The following ZDHHC14 variants were observed in gnomAD, a reference collection of about 807,000 sequenced individuals.
The protein encoded by ZDHHC14 is zDHHC palmitoyltransferase 14.
A neutral mutation model predicts 47.7 loss-of-function variants in ZDHHC14; 16 were observed. The observed-to-expected ratio is 0.34, with a 90% CI of 0.23 to 0.51. The LOEUF (loss-of-function observed/expected upper bound fraction) is 0.51. Ranked by LOEUF, ZDHHC14 falls within the 20% of genes least tolerant of loss-of-function variation. ZDHHC14 has a pLI of 0.97. For missense variants in ZDHHC14, 515 were observed against 662.5 expected (o/e 0.78, Z 2.44); for synonymous variants, 293 against 278.9 (o/e 1.05, Z -0.50).
intron 1 of ZDHHC14, among the ~76,000 whole-genome samples, chr6:157,450,161 A>G (rs1778770323): frequency 6.6e-6 from 1 of 151,940 alleles, no homozygotes; most frequent in African/African-American, 2.4e-5. Context: ...GTTGAAGGAA[A>G]GGGGCACATT....
intron 2 of ZDHHC14, among the ~76,000 whole-genome samples, chr6:157,548,590 G>T (rs1030113882): frequency 1.3e-5 from 2 of 152,216 alleles, no homozygotes; most frequent in African/African-American, 2.4e-5. Flanking sequence ...GGGATTACAG[G>T]CATGCGCCAC....
intron 8 of ZDHHC14, among the ~76,000 whole-genome samples, chr6:157,662,817 A>G (rs1333398200): frequency 6.6e-6 from 1 of 152,270 alleles, no homozygotes; most frequent in Non-Finnish European, 1.5e-5. Context: ...TCCAGGAACT[A>G]TAAAAAATTT....
At chr6:157,447,198 G>A (rs954985715) in intron 1 of ZDHHC14, among the ~76,000 whole-genome samples, 6 of 152,248 alleles carry the variant, frequency 3.9e-5, no homozygotes, top group Non-Finnish European at 7.3e-5. Flanking sequence ...TTTATCTGCC[G>A]AAGGTTTTAT....
In ZDHHC14 at chr6:157,653,588, C is replaced by G. The variant is rs543925961; in HGVS notation, c.1029C>G (p.Gly343=). 1.9e-6 allele frequency: 3 copies of G among 1,613,988 alleles called. No homozygotes were observed. The highest frequency in any genetic ancestry group is 2.7e-5 in the African/African-American group (2 of 75,050). ...DTPQPAAPSN[G]ITMYGATQSQ... ...CGCAGCCAGCAGCACCCTCCAATGG[C>G]ATCACCATGTACGGGGCCACGCAGT... The change falls in exon 8 of 9, where the codon GGC becomes GGG. Residue 343 remains glycine, a synonymous_variant. Coordinates refer to ENST00000359775, the MANE Select transcript of ZDHHC14 (RefSeq NM_024630.3).
chr6:157,592,968 T>G lies in ZDHHC14; in HGVS notation c.407-20T>G, dbSNP rs1238876045. 1 of 1,603,060 alleles carries G rather than the reference T, an allele frequency of 6.2e-7. No individual in the cohort carries two copies. Among genetic ancestry groups the G allele is most frequent in the Non-Finnish European group, 8.5e-7 (1 of 1,175,392 alleles). On this transcript the variant is annotated intron_variant, in intron 2 of 8. Coordinates refer to ENST00000359775, the MANE Select transcript of ZDHHC14 (RefSeq NM_024630.3). ...GGGAGGCTCTGAAGGTGTGCGCTCTTTCTCTTCTTTTCTCCACAGATATCG... is the reference window on the plus strand; with the variant it reads ...GGGAGGCTCTGAAGGTGTGCGCTCTGTCTCTTCTTTTCTCCACAGATATCG...
At chr6:157,542,873 G>A (rs1442477577) in intron 2 of ZDHHC14, 128 bp downstream of exon 2, 6 of 1,171,504 alleles carry the variant, frequency 5.1e-6, no homozygotes, top group African/African-American at 3.1e-5. Flanking sequence ...AGAAGTCAGC[G>A]TTCCTTAGCT....
intron 1 of ZDHHC14, among the ~76,000 whole-genome samples, chr6:157,478,541 A>G (rs559612483): frequency 5.0e-4 from 76 of 152,322 alleles, no homozygotes; most frequent in African/African-American, 1.5e-3. Flanking sequence ...CCTTCCATGG[A>G]GTAAATGACT....
At chr6:157,667,422 G>A (rs760174172) in intron 8 of ZDHHC14, among the ~76,000 whole-genome samples, 2 of 151,930 alleles carry the variant, frequency 1.3e-5, no homozygotes, top group African/African-American at 4.8e-5. Context: ...GGAGGGAAAA[G>A]GGTTCAAAGT....
chr6:157,450,627 T>C lies in ZDHHC14; in HGVS notation c.245+68361T>C, dbSNP rs150479308. On this transcript the variant is annotated intron_variant, in intron 1 of 8. Transcript: ENST00000359775. ...TGGAACTAACCAGCCCGTAAATGGA[T>C]CAACCATTACTTTAAAAAATAAATA... Among the ~76,000 whole-genome samples, 45 of 152,116 alleles carry C rather than the reference T, an allele frequency of 3.0e-4. No individual in the cohort carries two copies. The East Asian group carries it at 8.5e-3, about 29-fold the overall frequency.
chr6:157,562,441 G>A (rs1782746252), intron 2 of ZDHHC14, among the ~76,000 whole-genome samples: 1 of 152,174 alleles, frequency 6.6e-6, no homozygotes, highest in African/African-American at 2.4e-5. Context: ...TCCCTGGCTG[G>A]CCCCTCATTT....
intron 1 of ZDHHC14, among the ~76,000 whole-genome samples, chr6:157,441,254 C>T (rs1336253631): frequency 6.6e-6 from 1 of 152,190 alleles, no homozygotes; most frequent in Non-Finnish European, 1.5e-5. Context: ...TTTGCAAATC[C>T]TCCATTCTGT....
intron 3 of ZDHHC14, among the ~76,000 whole-genome samples, chr6:157,619,793 G>A (rs1182867309): frequency 3.3e-5 from 5 of 151,970 alleles, no homozygotes; most frequent in Non-Finnish European, 7.4e-5. Context: ...AAAACCAGAA[G>A]AATTCATGCA....
intron 1 of ZDHHC14, among the ~76,000 whole-genome samples, chr6:157,439,710 A>T (rs1431411088): frequency 1.3e-5 from 2 of 152,212 alleles, no homozygotes; most frequent in African/African-American, 4.8e-5. Flanking sequence ...TCATGCATAC[A>T]TATATTCATT....
Position 157,514,384 on chromosome 6 carries a change from C to T in ZDHHC14, c.246-28201C>T, listed in dbSNP as rs542756300. On this transcript the variant is annotated intron_variant, in intron 1 of 8. Coordinates refer to ENST00000359775, the MANE Select transcript of ZDHHC14 (RefSeq NM_024630.3). ...GGTCACTTTCACCTGTGCTCACACA[C>T]AGTCGGCTGTGCAAAGAGCAAAACT... Among the ~76,000 whole-genome samples, 31 of 152,354 alleles carry T rather than the reference C, an allele frequency of 2.0e-4. No homozygotes were observed. The South Asian group carries it at 6.4e-3, about 32-fold the overall frequency.
intron 1 of ZDHHC14, among the ~76,000 whole-genome samples, chr6:157,390,714 A>G (rs1486386606): frequency 6.6e-6 from 1 of 152,060 alleles, no homozygotes; most frequent in Non-Finnish European, 1.5e-5. Context: ...ACATTTCTAC[A>G]CTTAAAAAAT....
intron 2 of ZDHHC14, chr6:157,592,769 A>C (rs1264893875): frequency 7.4e-7 from 1 of 1,352,498 alleles, no homozygotes; most frequent in Admixed American, 3.6e-5. Context: ...TCCATTGGCC[A>C]GAGCTCAGTC....
At chr6:157,657,998 G>C (rs1778177761) in intron 8 of ZDHHC14, among the ~76,000 whole-genome samples, 1 of 152,136 alleles carries the variant, frequency 6.6e-6, no homozygotes, top group Non-Finnish European at 1.5e-5. Context: ...TACCTTGTAG[G>C]GTTTCTATGA....
At chr6:157,382,847 G>T (rs187201380) in intron 1 of ZDHHC14, among the ~76,000 whole-genome samples, 60 of 152,258 alleles carry the variant, frequency 3.9e-4, no homozygotes, top group Admixed American at 3.3e-3. Flanking sequence ...CCTCCTACAT[G>T]CTCACTCTGG....
chr6:157,484,307 A>ACATATATATG (rs1562443829), intron 1 of ZDHHC14, among the ~76,000 whole-genome samples: 1 of 114,286 alleles, frequency 8.7e-6, no homozygotes, highest in Non-Finnish European at 1.9e-5. Context: ...ATATATATAC[A>ACATATATATG]TATATATACA....
Sources: allele counts gnomAD v4.1 joint callset (sites outside exome capture counted in the v4.1 genomes callset), GRCh38; gene constraint gnomAD v4.1.1; transcripts MANE v1.5; gene names NCBI Gene and HGNC (gene_info 2026-07-23, HGNC 2026-07-21).